Variants in ITPR2 observed in about 807,000 individuals in gnomAD.
ITPR2 encodes the protein inositol 1,4,5-trisphosphate-gated calcium channel ITPR2.
In ITPR2, 207 loss-of-function variants were observed where a neutral mutation model predicts 317.1. The ratio of observed to expected loss-of-function variants is 0.65; its 90% confidence interval spans 0.58 to 0.73. The LOEUF (loss-of-function observed/expected upper bound fraction) is 0.73. Ranked by LOEUF, ITPR2 falls within the 30% of genes least tolerant of loss-of-function variation. The probability of loss-of-function intolerance (pLI) is 0.00; values close to 1 mark genes in which losing one functional copy is unlikely to be tolerated. For missense variants in ITPR2, 2,613 were observed against 3,284.0 expected, an observed-to-expected ratio of 0.80 and a Z score of 4.99; for synonymous variants, 1,156 against 1,149.1, an observed-to-expected ratio of 1.01 and a Z score of -0.12.
chr12:26,700,687 G>A (rs1240656007), intron 9 of ITPR2, among the ~76,000 whole-genome samples: 1 of 152,178 alleles, frequency 6.6e-6, no homozygotes, highest in East Asian at 1.9e-4. Context: ...TTAAACCGCA[G>A]GCTAGAGAGT....
At chr12:26,540,736 TA>T (rs375322582) in intron 37 of ITPR2, among the ~76,000 whole-genome samples, 12 of 152,180 alleles carry the variant, frequency 7.9e-5, no homozygotes, top group African/African-American at 2.4e-4. Flanking sequence ...ATAATGAGGT[TA>T]AAATGAATAT....
intron 32 of ITPR2, among the ~76,000 whole-genome samples, chr12:26,583,582 AT>A (rs1391348251): frequency 2.0e-5 from 3 of 152,156 alleles, no homozygotes; most frequent in African/African-American, 7.2e-5. Flanking sequence ...ACTCTTTAAA[AT>A]ATCTGCAATT....
chr12:26,617,115 G>A (rs1228507411), intron 26 of ITPR2, among the ~76,000 whole-genome samples: 2 of 152,234 alleles, frequency 1.3e-5, no homozygotes, highest in Non-Finnish European at 2.9e-5. Context: ...TCAACTGTGC[G>A]GGAGGGTAGC....
At chr12:26,804,574 C>T (rs1433407714) in intron 1 of ITPR2, among the ~76,000 whole-genome samples, 1 of 152,094 alleles carries the variant, frequency 6.6e-6, no homozygotes, top group Non-Finnish European at 1.5e-5. Context: ...AAAAGAGCTA[C>T]ATCTGTATGC....
At chr12:26,367,347 T>C (rs1443965881) in intron 55 of ITPR2, among the ~76,000 whole-genome samples, 3 of 152,214 alleles carry the variant, frequency 2.0e-5, no homozygotes, top group Non-Finnish European at 2.9e-5. Context: ...CCTTGTCCCA[T>C]TGATGCAATT....
chr12:26,363,932 T>G (rs1295267897), intron 55 of ITPR2, among the ~76,000 whole-genome samples: 1 of 152,148 alleles, frequency 6.6e-6, no homozygotes, highest in Non-Finnish European at 1.5e-5. Flanking sequence ...AACTGTTAAC[T>G]AATCAATGGA....
chr12:26,358,625 A>T (rs1938718446), intron 55 of ITPR2, among the ~76,000 whole-genome samples: 1 of 152,164 alleles, frequency 6.6e-6, no homozygotes. Flanking sequence ...GTCAGGAGTG[A>T]ATTCTGTGTA....
Position 26,556,230 on chromosome 12 carries a change from T to C in ITPR2, c.4964+3A>G. On this transcript the variant is annotated splice_donor_region_variant and intron_variant, in intron 36 of 56. Coordinates refer to ENST00000381340, the MANE Select transcript of ITPR2 (RefSeq NM_002223.4). ...AGCAGAATCTCAGATTGGATCCACTTACTTCGACATGAAAGCGCCACATCT... is the reference window on the plus strand; with the variant it reads ...AGCAGAATCTCAGATTGGATCCACTCACTTCGACATGAAAGCGCCACATCT... 6.2e-7 allele frequency: 1 copy of C among 1,613,194 alleles called. No individual in the cohort carries two copies.
At chr12:26,805,107 A>T (rs1397387583) in intron 1 of ITPR2, among the ~76,000 whole-genome samples, 7 of 152,214 alleles carry the variant, frequency 4.6e-5, no homozygotes, top group Admixed American at 2.0e-4. Context: ...GTAAAGAGAC[A>T]TACTGGTTTG....
chr12:26,802,944 G>A (rs974753820), intron 1 of ITPR2, among the ~76,000 whole-genome samples: 1 of 152,064 alleles, frequency 6.6e-6, no homozygotes, highest in African/African-American at 2.4e-5. Context: ...TGATCTAATA[G>A]ACATACATAA....
intron 34 of ITPR2, among the ~76,000 whole-genome samples, chr12:26,570,428 G>A (rs1945129116): frequency 1.3e-5 from 2 of 152,224 alleles, no homozygotes; most frequent in Admixed American, 6.5e-5. Flanking sequence ...GATATATGAT[G>A]TCAAGCTCCT....
chr12:26,381,671 C>T lies in ITPR2; in HGVS notation c.7857+5763G>A, dbSNP rs184570243. Among the ~76,000 whole-genome samples the T allele has an allele frequency of 4.2e-3, 642 of 152,240 alleles. 3 individuals are homozygous for T. The highest frequency in any genetic ancestry group is 6.0e-3 in the Non-Finnish European group (405 of 68,006). ...TCAACACTGCTGCAATGTCAGAGTG[C>T]AGTTGTTAATCAAGAGAAAAATAAA... On this transcript the variant is annotated intron_variant, in intron 55 of 56. Transcript: ENST00000381340.
chr12:26,820,770 G>A (rs979480554), intron 1 of ITPR2, among the ~76,000 whole-genome samples: 4 of 152,208 alleles, frequency 2.6e-5, no homozygotes, highest in African/African-American at 9.7e-5. Context: ...TGGATCATAT[G>A]TCTACAATGG....
intron 37 of ITPR2, among the ~76,000 whole-genome samples, chr12:26,507,829 C>G (rs1943224957): frequency 6.7e-6 from 1 of 150,160 alleles, no homozygotes; most frequent in African/African-American, 2.4e-5. Context: ...AAGAATGAGT[C>G]AATGAATATC....
At chr12:26,829,220 T>C (rs1951058889) in intron 1 of ITPR2, among the ~76,000 whole-genome samples, 1 of 140,630 alleles carries the variant, frequency 7.1e-6, no homozygotes, top group African/African-American at 2.6e-5. Context: ...ATTCCCAATT[T>C]TTTATTATAA....
At chr12:26,518,478 T>C (rs1382461425) in intron 37 of ITPR2, among the ~76,000 whole-genome samples, 1 of 152,138 alleles carries the variant, frequency 6.6e-6, no homozygotes, top group African/African-American at 2.4e-5. Context: ...GACATGCAAT[T>C]TACCTATATA....
chr12:26,691,808 G>A (rs1948245896), intron 10 of ITPR2, among the ~76,000 whole-genome samples: 1 of 151,926 alleles, frequency 6.6e-6, no homozygotes, highest in Non-Finnish European at 1.5e-5. Context: ...TGCAGAGTTG[G>A]TTCAGACCTG....
At chr12:26,775,127 G>C (rs1422292070) in intron 2 of ITPR2, among the ~76,000 whole-genome samples, 1 of 152,110 alleles carries the variant, frequency 6.6e-6, no homozygotes, top group Non-Finnish European at 1.5e-5. Context: ...AAGTCTTCCA[G>C]GGTCTGATCC....
At chr12:26,340,375 G>C in intron 55 of ITPR2, 47 bp from the exon 56 acceptor site, 1 of 1,525,418 alleles carries the variant, frequency 6.6e-7, no homozygotes, top group Non-Finnish European at 8.8e-7. Flanking sequence ...GTATGGAAGG[G>C]GAGAATGTCT....
Sources: gnomAD v4.1 joint callset for allele counts (sites outside exome capture counted in the v4.1 genomes callset) on GRCh38, gnomAD v4.1.1 for gene constraint, MANE v1.5 for transcripts, NCBI Gene and HGNC (gene_info 2026-07-23, HGNC 2026-07-21) for gene names.